CES2: variants seen among roughly 807,000 people sequenced by gnomAD.
CES2 encodes the protein carboxylesterase 2.
CES2 carries 42 observed loss-of-function variants against 52.1 expected under a neutral mutation model. The observed-to-expected ratio is 0.81, with a 90% CI of 0.63 to 1.04. The LOEUF (loss-of-function observed/expected upper bound fraction) is 1.04, where lower values mean the gene tolerates loss of function less well. Among genes scored for constraint, CES2 ranks in the 50% least tolerant of loss-of-function variants. The probability of loss-of-function intolerance (pLI) is 0.00; values close to 1 mark genes in which losing one functional copy is unlikely to be tolerated. For synonymous variants in CES2, 277 were observed against 289.6 expected (o/e 0.96, Z 0.44); for missense variants, 656 against 724.3 (o/e 0.91, Z 1.08).
In CES2 at chr16:66,940,464, C is replaced by A. The variant is rs550018149; in HGVS notation, c.585C>A (p.Asn195Lys). Residue 195 changes from asparagine (N) to lysine (K), a missense_variant, in exon 5 of 12, where the codon AAC becomes AAA. Physicochemically the swap from Asn to Lys is moderately conservative, Grantham distance 94. Coordinates refer to ENST00000317091, the MANE Select transcript of CES2 (RefSeq NM_001365405.1). ...FSTGDKHATGNWGYLDQVAAL... is the reference protein window; with the variant it reads ...FSTGDKHATGKWGYLDQVAAL... ...CTGGAGACAAGCACGCAACCGGCAA[C>A]TGGGGCTACCTGGACCAAGTGGCTG... 7 of 1,614,146 alleles carry A rather than the reference C, an allele frequency of 4.3e-6. No individual in the cohort carries two copies. The highest frequency in any genetic ancestry group is 5.9e-6 in the Non-Finnish European group (7 of 1,180,040).
upstream of CES2, chr16:66,934,676 T>G (rs1597001614): frequency 2.8e-6 from 1 of 352,512 alleles, no homozygotes; most frequent in South Asian, 4.8e-5. This position sits in a 1 kb window ranked among gnomAD's most constrained non-coding sequence, Gnocchi z 4.1. Context: ...CGGTCGGAGG[T>G]AATCCCCACA....
intron 9 of CES2, 191 bp from the exon 10 acceptor site, chr16:66,942,457 T>C: frequency 1.3e-6 from 1 of 795,594 alleles, no homozygotes; most frequent in East Asian, 2.7e-5. Context: ...GTTAGGGACC[T>C]TCAGTGACTT....
rs11568307 is a variant in CES2, at chr16:66,938,480, C to T, written c.281+239C>T. Reference sequence around the variant, plus strand: ...TTCAGAAGACATTGGCTCCAGGTGCCGAAGGGAGGGGCAGACACACGTATC... The same window carrying T: ...TTCAGAAGACATTGGCTCCAGGTGCTGAAGGGAGGGGCAGACACACGTATC... On this transcript the variant is annotated intron_variant, in intron 2 of 11. Transcript: ENST00000317091. The T allele has an allele frequency of 7.2e-4, 407 of 562,216 alleles. 4 individuals carry two copies. Among genetic ancestry groups the T allele is most frequent in the African/African-American group, 6.5e-3 (344 of 53,292 alleles). The allele number at this position is 562,216 out of a possible 1,614,324, so 34.8% of individuals were successfully genotyped here.
chr16:66,938,955 T>C (rs1963284483), intron 2 of CES2, among the ~76,000 whole-genome samples: 1 of 152,128 alleles, frequency 6.6e-6, no homozygotes, highest in African/African-American at 2.4e-5. Context: ...TAGAAACCCC[T>C]AAGAGTCAAG....
intron 1 of CES2, 33 bp downstream of exon 1, chr16:66,935,744 G>A (rs2145496737): frequency 1.9e-6 from 3 of 1,598,780 alleles, no homozygotes; most frequent in Non-Finnish European, 8.5e-7. Flanking sequence ...ACAGGGACCG[G>A]GCTCAGATCT....
intron 9 of CES2, 82 bp downstream of exon 9, chr16:66,942,331 G>A: frequency 7.0e-7 from 1 of 1,435,028 alleles, no homozygotes. Context: ...TGCTGTCCGG[G>A]TCAGCACTCA....
In CES2 at chr16:66,939,225, A is replaced by G; in HGVS notation, c.290A>G (p.Gln97Arg). The stretch of plus-strand genomic sequence containing the variant: ...TTTGCCCTGGTTACCAGGTGTCTAC[A>G]GGACCTCACCGCAGTGGAGTCAGAG... ...DGTTHPAMCL[Q>R]DLTAVESEFL... The change falls in exon 3 of 12, where the codon CAG (glutamine) becomes CGG (arginine). Residue 97 changes from glutamine (Q) to arginine (R), a missense_variant. Physicochemically the swap from Gln to Arg is conservative, Grantham distance 43 (BLOSUM62 1). Coordinates refer to ENST00000317091, the MANE Select transcript of CES2 (RefSeq NM_001365405.1). The G allele has an allele frequency of 1.2e-6, 2 of 1,613,514 alleles. No homozygotes were observed. Among genetic ancestry groups the G allele is most frequent in the Non-Finnish European group, 8.5e-7 (1 of 1,179,670 alleles).
chr16:66,939,378 T>G lies in CES2; in HGVS notation c.423+20T>G. The G allele has an allele frequency of 6.2e-7, 1 of 1,613,486 alleles. No individual in the cohort carries two copies. The highest frequency in any genetic ancestry group is 8.5e-7 in the Non-Finnish European group (1 of 1,179,612). On this transcript the variant is annotated intron_variant, in intron 3 of 11. Coordinates refer to ENST00000317091, the MANE Select transcript of CES2 (RefSeq NM_001365405.1). ...CTGCCGGTGGGTGTCAGGCCACAGT[T>G]CACTGGGGGTTGGAGGACAGTTCTT...
intron 1 of CES2, among the ~76,000 whole-genome samples, chr16:66,936,510 G>A (rs1340844618): frequency 6.6e-6 from 1 of 151,896 alleles, no homozygotes; most frequent in African/African-American, 2.4e-5. Context: ...GGGTGAAAAA[G>A]CAAAAATCTG....
At position 66,940,469 on chromosome 16, in the gene CES2, G is replaced by A. The variant is rs1466588270; in HGVS notation, c.590G>A (p.Gly197Asp). 1.9e-6 allele frequency: 3 copies of A among 1,614,094 alleles called. No individual in the cohort carries two copies. Among genetic ancestry groups the A allele is most frequent in the African/African-American group, 1.3e-5 (1 of 74,928 alleles). Reference sequence around the variant, plus strand: ...GACAAGCACGCAACCGGCAACTGGGGCTACCTGGACCAAGTGGCTGCACTA... The same window carrying A: ...GACAAGCACGCAACCGGCAACTGGGACTACCTGGACCAAGTGGCTGCACTA... ...TGDKHATGNWGYLDQVAALRW... is the reference protein window; with the variant it reads ...TGDKHATGNWDYLDQVAALRW... Residue 197 changes from glycine (G) to aspartate (D), a missense_variant, in exon 5 of 12, where the codon GGC (glycine) becomes GAC (aspartate). Transcript: ENST00000317091.
intron 1 of CES2, among the ~76,000 whole-genome samples, chr16:66,937,515 A>AT (rs1392372269): frequency 1.3e-5 from 2 of 152,006 alleles, no homozygotes; most frequent in East Asian, 1.9e-4. Context: ...TTATTTCCTG[A>AT]TTTTTTTGCA....
Position 66,944,030 on chromosome 16 carries a change from C to A in CES2, c.*5C>A. 6.9e-7 allele frequency: 1 copy of A among 1,452,232 alleles called. No homozygotes were observed. Among genetic ancestry groups the A allele is most frequent in the Non-Finnish European group, 9.3e-7 (1 of 1,072,516 alleles). 90.0% of individuals were successfully genotyped at this position (1,452,232 alleles called of 1,614,324 possible). The stretch of plus-strand genomic sequence containing the variant: ...GAGAGACACACAGAGCTGTAGCTCC[C>A]TGTGCCGGGGAGGAGGGGGTGGGTT... On this transcript the variant is annotated 3_prime_UTR_variant, in exon 12 of 12. Transcript: ENST00000317091.
intron 8 of CES2, 95 bp downstream of exon 8, chr16:66,941,943 G>T: frequency 6.4e-7 from 1 of 1,572,832 alleles, no homozygotes; most frequent in Non-Finnish European, 8.7e-7. Flanking sequence ...CCTATGTAGT[G>T]ACCCCCATGA....
At position 66,935,729 on chromosome 16, in the gene CES2, G is replaced by A; in HGVS notation, c.76+18G>A. On this transcript the variant is annotated intron_variant, in intron 1 of 11. Coordinates refer to ENST00000317091, the MANE Select transcript of CES2 (RefSeq NM_001365405.1). ...GGGCCAGGGTGAGGCTCCCTCGGAG[G>A]GGCGACAGGGACCGGGCTCAGATCT... 1 of 1,599,134 alleles carries A rather than the reference G, an allele frequency of 6.3e-7. No homozygotes were observed. Among genetic ancestry groups the A allele is most frequent in the Non-Finnish European group, 8.5e-7 (1 of 1,179,806 alleles).
At chr16:66,938,988 A>T (rs1963285874) in intron 2 of CES2, among the ~76,000 whole-genome samples, 1 of 152,114 alleles carries the variant, frequency 6.6e-6, no homozygotes, top group Non-Finnish European at 1.5e-5. Context: ...GCGAGGAATG[A>T]TACCCAAGGT....
At position 66,935,725 on chromosome 16, in the gene CES2, G is replaced by C; in HGVS notation, c.76+14G>C. ...TCCGGGGCCAGGGTGAGGCTCCCTC[G>C]GAGGGGCGACAGGGACCGGGCTCAG... On this transcript the variant is annotated intron_variant, in intron 1 of 11. Coordinates refer to ENST00000317091, the MANE Select transcript of CES2 (RefSeq NM_001365405.1). 1 of 1,599,350 alleles carries C rather than the reference G, an allele frequency of 6.3e-7. No homozygotes were observed. Among genetic ancestry groups the C allele is most frequent in the Non-Finnish European group, 8.5e-7 (1 of 1,179,820 alleles).
upstream of CES2, chr16:66,934,484 G>C: frequency 7.2e-7 from 1 of 1,385,280 alleles, no homozygotes; most frequent in Non-Finnish European, 9.5e-7. The surrounding 1 kb of genome is among the most constrained non-coding windows in gnomAD (Gnocchi z 4.1). Context: ...ACGCCGCGTT[G>C]TGGGTTCTCG....
rs190788264 is a variant in CES2 at position 66,942,393 on chromosome 16, A to G, written c.1282+144A>G. ...ACATCCATCATTGCAGTAAATCCTC[A>G]TGGCTAGCCCAAGAATCCGACATTT... On this transcript the variant is annotated intron_variant, in intron 9 of 11. Coordinates refer to ENST00000317091, the MANE Select transcript of CES2 (RefSeq NM_001365405.1). 157 of 947,342 alleles carry G rather than the reference A, an allele frequency of 1.7e-4. 1 individual carries two copies. The East Asian group carries it at 2.4e-3, about 14-fold the overall frequency. 58.7% of individuals were successfully genotyped at this position (947,342 alleles called of 1,614,324 possible). A position where few individuals can be genotyped will look rare whatever the true frequency, so the allele number is the denominator to read the frequency against.
chr16:66,935,132 CT>C, upstream of CES2: 1 of 320,110 alleles, frequency 3.1e-6, no homozygotes, highest in Non-Finnish European at 5.8e-6. Context: ...GCCGACACTC[CT>C]TCCTGCCTTT....
Sources: gnomAD v4.1 joint callset for allele counts (sites outside exome capture counted in the v4.1 genomes callset) on GRCh38, gnomAD v4.1.1 for gene constraint, Gnocchi (gnomAD v3.1) non-coding constraint, MANE v1.5 for transcripts, NCBI Gene and HGNC (gene_info 2026-07-23, HGNC 2026-07-21) for gene names.